Variants in RBFOX1 observed in about 807,000 individuals in gnomAD.
The protein encoded by RBFOX1 is RNA binding protein fox-1 homolog 1.
In RBFOX1, 8 loss-of-function variants were observed where a neutral mutation model predicts 57.7. The ratio of observed to expected loss-of-function variants is 0.14; its 90% CI spans 0.08 to 0.25. The LOEUF (loss-of-function observed/expected upper bound fraction) is 0.25, where lower values mean the gene tolerates loss of function less well. Among genes scored for constraint, RBFOX1 ranks in the 10% least tolerant of loss-of-function variants. RBFOX1 has a pLI of 1.00. For synonymous variants in RBFOX1, 326 were observed against 222.4 expected (o/e 1.47, Z -4.15); for missense variants, 611 against 548.5 (o/e 1.11, Z -1.14).
rs1555469228 is a variant in RBFOX1, at chr16:7,454,397, G to GTA, written c.28-63750_28-63749insTA. Among the ~76,000 whole-genome samples, 190 of 152,284 alleles carry GTA rather than the reference G, an allele frequency of 1.2e-3. 2 individuals carry two copies. Among genetic ancestry groups the GTA allele is most frequent in the African/African-American group, 4.0e-3 (165 of 41,564 alleles). ...TTCTTAAAACTGTACCATATCAAAG[G>GTA]CAGATTGTCTCCCAAGTTATCAAGT... On this transcript the variant is annotated intron_variant, in intron 4 of 15. Transcript: ENST00000550418.
At chr16:6,905,566 A>T (rs1457612719) in intron 3 of RBFOX1, among the ~76,000 whole-genome samples, 1 of 149,762 alleles carries the variant, frequency 6.7e-6, no homozygotes, top group Non-Finnish European at 1.5e-5. Flanking sequence ...AAAAAAAAAA[A>T]GTGTAGATGT....
At chr16:5,779,346 C>T (rs1040480565) in intron 3 of RBFOX1, among the ~76,000 whole-genome samples, 1 of 152,184 alleles carries the variant, frequency 6.6e-6, no homozygotes, top group Admixed American at 6.5e-5. Context: ...TCTGCTCCCT[C>T]CTGCATTTTG....
intron 6 of RBFOX1, among the ~76,000 whole-genome samples, chr16:7,583,261 G>C (rs1034980): frequency 6.6e-6 from 1 of 151,786 alleles, no homozygotes; most frequent in East Asian, 2.0e-4. Context: ...GAGGTTCAAG[G>C]GAATGGATCT....
chr16:6,840,282 G>A (rs1038336243), intron 3 of RBFOX1, among the ~76,000 whole-genome samples: 7 of 152,066 alleles, frequency 4.6e-5, no homozygotes, highest in Non-Finnish European at 7.4e-5. Flanking sequence ...AAGACCTTCC[G>A]AAAAATGAAA....
intron 5 of RBFOX1, among the ~76,000 whole-genome samples, chr16:7,575,842 C>G (rs1025789279): frequency 6.6e-6 from 1 of 152,176 alleles, no homozygotes; most frequent in African/African-American, 2.4e-5. Context: ...TCTCTAACCC[C>G]AACATGCGTT....
At chr16:7,008,191 G>T (rs1301784202) in intron 3 of RBFOX1, among the ~76,000 whole-genome samples, 2 of 152,156 alleles carry the variant, frequency 1.3e-5, no homozygotes, top group Admixed American at 1.3e-4. Flanking sequence ...GTAACAGGAT[G>T]ATATTTTTGG....
chr16:6,019,948 TGGGGCC>T lies in RBFOX1; in HGVS notation c.-169_-164del. 1 of 1,533,730 alleles carries T rather than the reference TGGGGCC, an allele frequency of 6.5e-7. No homozygotes were observed. The highest frequency in any genetic ancestry group is 1.2e-5 in the South Asian group (1 of 83,868). On this transcript the variant is annotated 5_prime_UTR_variant, in exon 1 of 16. Transcript: ENST00000550418. The surrounding 1 kb of genome is among the most constrained non-coding windows in gnomAD (Gnocchi z 4.2). Reference sequence around the variant, plus strand: ...GAGAGCGCACGGGAATTCGGGGGTCTGGGGCCGAGAACGTGACCGCAGCCGGGCTCG... The same window carrying T: ...GAGAGCGCACGGGAATTCGGGGGTCTGAGAACGTGACCGCAGCCGGGCTCG...
Position 5,616,353 on chromosome 16 carries a change from C to T in RBFOX1, c.318+17392C>T, listed in dbSNP as rs117237493. Among the ~76,000 whole-genome samples, 327 of 152,344 alleles carry T rather than the reference C, an allele frequency of 2.1e-3. 8 individuals are homozygous for T. In the East Asian group the frequency reaches 0.051, roughly 24 times the overall value. ...ACACCGCCCCTGGGAGGGAGCTCAT[C>T]TCTGGGCCCAGCTTGTCTGCGGTGC... On this transcript the variant is annotated intron_variant, in intron 3 of 19. Transcript: ENST00000641259.
At chr16:6,903,728 A>C (rs1354540865) in intron 3 of RBFOX1, among the ~76,000 whole-genome samples, 1 of 152,056 alleles carries the variant, frequency 6.6e-6, no homozygotes, top group Non-Finnish European at 1.5e-5. Flanking sequence ...GGGAGGGACT[A>C]ATAGGACCTC....
chr16:7,209,058 G>C (rs2090577812), intron 4 of RBFOX1, among the ~76,000 whole-genome samples: 1 of 151,950 alleles, frequency 6.6e-6, no homozygotes, highest in Non-Finnish European at 1.5e-5. Flanking sequence ...ACTTTGGGAG[G>C]CCGAGGTGGT....
chr16:6,357,408 C>T (rs561183529), intron 2 of RBFOX1, among the ~76,000 whole-genome samples: 1 of 152,018 alleles, frequency 6.6e-6, no homozygotes, highest in Non-Finnish European at 1.5e-5. Flanking sequence ...ATTCCCCGGA[C>T]TCCTCAGAAA....
At chr16:5,614,019 G>A (rs1321948129) in intron 3 of RBFOX1, among the ~76,000 whole-genome samples, 1 of 152,072 alleles carries the variant, frequency 6.6e-6, no homozygotes, top group Non-Finnish European at 1.5e-5. Context: ...GCTGTGGAGG[G>A]AGTGTCAAAT....
At chr16:5,611,461 C>T (rs746854279) in intron 3 of RBFOX1, 1 of 152,228 alleles carries the variant, frequency 6.6e-6, no homozygotes, top group Non-Finnish European at 1.5e-5. Context: ...GGACCTGCCT[C>T]CCTACCAGCG....
At position 6,278,377 on chromosome 16, in the gene RBFOX1, C is replaced by CAAAAAAAAAA. The variant is rs57523660; in HGVS notation, c.-126-38592_-126-38583dup. 3.6e-4 allele frequency among the ~76,000 whole-genome samples: 10 copies of CAAAAAAAAAA among 28,070 alleles called. 1 individual carries two copies. Among genetic ancestry groups the CAAAAAAAAAA allele is most frequent in the African/African-American group, 1.0e-3 (8 of 7,944 alleles). 18.4% of individuals were successfully genotyped at this position (28,070 alleles called of 152,430 possible). A position where few individuals can be genotyped will look rare whatever the true frequency, so the allele number is the denominator to read the frequency against. ...AACTGGGGGAAATTGTAGGACTCAC[C>CAAAAAAAAAA]AAAAAAAAAAAAAAAAAAAAAAAAA... On this transcript the variant is annotated intron_variant, in intron 1 of 15. Coordinates refer to ENST00000550418, the MANE Select transcript of RBFOX1 (RefSeq NM_018723.4).
chr16:6,088,822 C>T (rs559544236), intron 1 of RBFOX1, among the ~76,000 whole-genome samples: 30 of 152,164 alleles, frequency 2.0e-4, no homozygotes, highest in Non-Finnish European at 3.4e-4. Flanking sequence ...TCCGGCCAGG[C>T]GCGGTGGCTC....
At chr16:7,067,738 A>C (rs892937792) in intron 4 of RBFOX1, among the ~76,000 whole-genome samples, 1 of 121,180 alleles carries the variant, frequency 8.3e-6, no homozygotes, top group African/African-American at 3.2e-5. Flanking sequence ...TCCTGTGTCC[A>C]TGTGTTCTCA....
chr16:6,829,636 C>T (rs1262359484), intron 3 of RBFOX1, among the ~76,000 whole-genome samples: 1 of 152,074 alleles, frequency 6.6e-6, no homozygotes, highest in Non-Finnish European at 1.5e-5. Context: ...GAGTCTCGCT[C>T]TGTCACCCAT....
At chr16:6,043,095 G>C (rs985269824) in intron 1 of RBFOX1, among the ~76,000 whole-genome samples, 5 of 116,544 alleles carry the variant, frequency 4.3e-5, no homozygotes, top group African/African-American at 1.7e-4. Flanking sequence ...TGCAGCCTGG[G>C]CGACAGAGCA....
intron 3 of RBFOX1, among the ~76,000 whole-genome samples, chr16:6,804,329 C>G (rs1383102276): frequency 1.3e-5 from 2 of 151,998 alleles, no homozygotes; most frequent in African/African-American, 4.8e-5. Flanking sequence ...ATTTTAACTC[C>G]AGGGTAAATT....
Sources: allele counts gnomAD v4.1 joint callset (sites outside exome capture counted in the v4.1 genomes callset), GRCh38; gene constraint gnomAD v4.1.1; non-coding constraint Gnocchi (gnomAD v3.1); transcripts MANE v1.5; gene names NCBI Gene and HGNC (gene_info 2026-07-23, HGNC 2026-07-21).